The following CNTN5 variants were observed in gnomAD, a reference collection of about 807,000 sequenced individuals.
The protein encoded by CNTN5 is contactin 5, also known as contactin-5.
CNTN5 carries 77 observed loss-of-function variants against 129.1 expected under a neutral mutation model. The observed-to-expected ratio is 0.60, with a 90% CI of 0.50 to 0.72. The LOEUF is 0.72. CNTN5 is among the 30% of genes least tolerant of loss of function. The pLI, the probability that CNTN5 is intolerant of heterozygous loss-of-function variation, is 0.00. For synonymous variants in CNTN5, 509 were observed against 465.6 expected (o/e 1.09, Z -1.20); for missense variants, 1,478 against 1,328.8 (o/e 1.11, Z -1.75).
At chr11:99,056,354 A>T (rs1864624284) in intron 1 of CNTN5, among the ~76,000 whole-genome samples, 2 of 151,980 alleles carry the variant, frequency 1.3e-5, no homozygotes, top group African/African-American at 2.4e-5. Context: ...CTAGTTATGT[A>T]GCTCACAGAA....
intron 2 of CNTN5, among the ~76,000 whole-genome samples, chr11:99,432,454 T>C (rs370017101): frequency 2.5e-5 from 3 of 118,204 alleles, no homozygotes; most frequent in South Asian, 2.7e-4. Context: ...TCTTTTCTTT[T>C]CTTTTCTTTC....
At chr11:100,038,679 TA>T (rs1439078382) in intron 9 of CNTN5, among the ~76,000 whole-genome samples, 1 of 151,998 alleles carries the variant, frequency 6.6e-6, no homozygotes, top group Non-Finnish European at 1.5e-5. Flanking sequence ...ATATTTAGGA[TA>T]GTTAGCTCTT....
chr11:99,660,649 T>A (rs1033179212), intron 3 of CNTN5, among the ~76,000 whole-genome samples: 10 of 152,202 alleles, frequency 6.6e-5, no homozygotes, highest in African/African-American at 2.4e-4. Flanking sequence ...ATGACTTGTT[T>A]GAAATAAAGA....
chr11:100,093,067 C>G (rs1468072085), intron 13 of CNTN5, among the ~76,000 whole-genome samples: 1 of 152,084 alleles, frequency 6.6e-6, no homozygotes, highest in Non-Finnish European at 1.5e-5. Context: ...TCTGCCTCCT[C>G]TCTCAATGAC....
intron 6 of CNTN5, among the ~76,000 whole-genome samples, chr11:99,870,665 T>C (rs1037787086): frequency 3.9e-5 from 6 of 152,094 alleles, no homozygotes; most frequent in Admixed American, 3.9e-4. Context: ...AAAATAGCAA[T>C]GTTTTCCCTA....
chr11:99,581,207 T>A (rs1388656522), intron 3 of CNTN5, among the ~76,000 whole-genome samples: 2,407 of 72,980 alleles, frequency 0.033, no homozygotes, highest in East Asian at 0.049. Context: ...CAGTTTGTTA[T>A]AATTTCTGTT....
intron 2 of CNTN5, among the ~76,000 whole-genome samples, chr11:99,445,406 C>A (rs1944021914): frequency 6.6e-6 from 1 of 152,114 alleles, no homozygotes; most frequent in African/African-American, 2.4e-5. Context: ...TGTTTAATAA[C>A]AGTTAATTTC....
intron 3 of CNTN5, among the ~76,000 whole-genome samples, chr11:99,677,468 A>C (rs1004734405): frequency 3.9e-5 from 6 of 152,176 alleles, no homozygotes; most frequent in Non-Finnish European, 5.9e-5. Flanking sequence ...TCAAGTTTAC[A>C]GCATTTATCT....
chr11:99,216,469 C>G (rs892218468), intron 1 of CNTN5, among the ~76,000 whole-genome samples: 1 of 151,974 alleles, frequency 6.6e-6, no homozygotes, highest in Non-Finnish European at 1.5e-5. Flanking sequence ...CTGGGAGTGC[C>G]GATATCTCTT....
intron 3 of CNTN5, among the ~76,000 whole-genome samples, chr11:99,796,770 C>G (rs1438695270): frequency 6.6e-6 from 1 of 152,074 alleles, no homozygotes; most frequent in Non-Finnish European, 1.5e-5. Flanking sequence ...ATGGACATCC[C>G]TGGCTGAGCT....
intron 1 of CNTN5, among the ~76,000 whole-genome samples, chr11:99,102,969 A>G (rs1010217914): frequency 2.0e-5 from 3 of 152,158 alleles, no homozygotes; most frequent in African/African-American, 7.2e-5. Context: ...ACAATTCCAC[A>G]TAGATAGGGA....
At chr11:99,444,033 A>G (rs1303705291) in intron 2 of CNTN5, among the ~76,000 whole-genome samples, 1 of 152,022 alleles carries the variant, frequency 6.6e-6, no homozygotes, top group East Asian at 1.9e-4. Flanking sequence ...CCCTGTCACT[A>G]CTAAAAATAC....
chr11:99,717,527 T>G (rs952248985), intron 3 of CNTN5, among the ~76,000 whole-genome samples: 1 of 152,060 alleles, frequency 6.6e-6, no homozygotes, highest in Admixed American at 6.6e-5. Flanking sequence ...GAGATGTGTT[T>G]GCATGTGTGT....
chr11:99,612,149 C>T (rs908484142), intron 3 of CNTN5, among the ~76,000 whole-genome samples: 4 of 152,122 alleles, frequency 2.6e-5, no homozygotes, highest in Admixed American at 1.3e-4. Flanking sequence ...TTATTTAGAC[C>T]ATCCCTACGA....
At chr11:99,809,613 A>T (rs1000510980) in intron 3 of CNTN5, among the ~76,000 whole-genome samples, 1 of 152,056 alleles carries the variant, frequency 6.6e-6, no homozygotes, top group African/African-American at 2.4e-5. Context: ...CCTTTTACAG[A>T]TTCTATGTTC....
chr11:99,463,433 G>C (rs1464560448), intron 2 of CNTN5, among the ~76,000 whole-genome samples: 1 of 67,414 alleles, frequency 1.5e-5, no homozygotes, highest in Non-Finnish European at 2.6e-5. Context: ...GCGAGACTCT[G>C]TCTCAAAAAG....
intron 3 of CNTN5, among the ~76,000 whole-genome samples, chr11:99,757,163 T>C (rs1449567711): frequency 6.6e-6 from 1 of 152,048 alleles, no homozygotes; most frequent in Non-Finnish European, 1.5e-5. Flanking sequence ...GCTTCTGGTA[T>C]TGTCAACAAT....
At chr11:99,354,560 G>A (rs1938512986) in intron 2 of CNTN5, among the ~76,000 whole-genome samples, 1 of 152,108 alleles carries the variant, frequency 6.6e-6, no homozygotes, top group South Asian at 2.1e-4. Context: ...AAAAGCAAAG[G>A]GGAGACATCA....
At chr11:99,974,432 T>G (rs1227065377) in intron 8 of CNTN5, among the ~76,000 whole-genome samples, 1 of 152,202 alleles carries the variant, frequency 6.6e-6, no homozygotes, top group Non-Finnish European at 1.5e-5. Context: ...AGTGCTACAT[T>G]GGGATATTGG....
Sources: gnomAD v4.1 joint callset for allele counts (sites outside exome capture counted in the v4.1 genomes callset) on GRCh38, gnomAD v4.1.1 for gene constraint, MANE v1.5 for transcripts, NCBI Gene and HGNC (gene_info 2026-07-23, HGNC 2026-07-21) for gene names.